Variants in FBXO4 observed in about 807,000 individuals in gnomAD.
FBXO4 encodes the protein F-box protein 4, also known as F-box only protein 4.
Under a neutral mutation model 43.7 loss-of-function variants are expected in FBXO4, and 36 were observed. The ratio of observed to expected loss-of-function variants is 0.82; its 90% CI spans 0.63 to 1.09. The LOEUF (loss-of-function observed/expected upper bound fraction) is 1.09, where lower values mean the gene tolerates loss of function less well. Among genes scored for constraint, FBXO4 ranks in the 50% least tolerant of loss-of-function variants. The probability of loss-of-function intolerance (pLI) is 0.00; values close to 1 mark genes in which losing one functional copy is unlikely to be tolerated. For synonymous variants in FBXO4, 180 were observed against 165.6 expected (o/e 1.09, Z -0.67); for missense variants, 435 against 474.1 (o/e 0.92, Z 0.77).
At chr5:41,926,973 T>G (rs768879977) in intron 1 of FBXO4, 40 bp from the exon 2 acceptor site, 33 of 1,332,858 alleles carry the variant, frequency 2.5e-5, no homozygotes, top group Non-Finnish European at 3.2e-5. Context: ...AACTATTTTC[T>G]TCATTCCTTT....
chr5:41,951,414 C>G, the FBXO4 span: 1 of 234,580 alleles, frequency 4.3e-6, no homozygotes, highest in African/African-American at 2.3e-5. Context: ...TAGGTAACTG[C>G]TGAATAGGCA....
chr5:42,037,657 T>C, the FBXO4 span, among the ~76,000 whole-genome samples: 3 of 152,148 alleles, frequency 2.0e-5, no homozygotes, highest in Middle Eastern at 3.4e-3. Flanking sequence ...AGTTTTCCCT[T>C]TGAGACATTC....
the FBXO4 span, among the ~76,000 whole-genome samples, chr5:42,010,348 GAA>G: frequency 6.7e-6 from 1 of 150,354 alleles, no homozygotes; most frequent in East Asian, 1.9e-4. Context: ...AGCTACAAAA[GAA>G]AAAAAAACTT....
chr5:41,926,355 C>T (rs765319756), intron 1 of FBXO4, among the ~76,000 whole-genome samples: 14 of 152,144 alleles, frequency 9.2e-5, no homozygotes, highest in Non-Finnish European at 2.1e-4. Context: ...GGGCGGATCA[C>T]GAGGTCAGGA....
chr5:41,931,334 G>T (rs533021781), intron 3 of FBXO4, among the ~76,000 whole-genome samples: 2 of 152,342 alleles, frequency 1.3e-5, no homozygotes, highest in South Asian at 4.1e-4. Flanking sequence ...AATAAGGATG[G>T]CTCCAGGTTT....
chr5:42,013,291 T>A, the FBXO4 span, among the ~76,000 whole-genome samples: 36 of 152,094 alleles, frequency 2.4e-4, 1 homozygote, highest in South Asian at 7.3e-3. Flanking sequence ...AAAAGAAAGA[T>A]TGTTAGGAAA....
the FBXO4 span, among the ~76,000 whole-genome samples, chr5:41,982,319 C>T: frequency 3.9e-5 from 6 of 152,086 alleles, no homozygotes; most frequent in Non-Finnish European, 7.4e-5. Flanking sequence ...CCTGAGGAAT[C>T]GCCACACTGT....
the FBXO4 span, among the ~76,000 whole-genome samples, chr5:41,976,355 A>G: frequency 1.2e-4 from 19 of 152,198 alleles, no homozygotes; most frequent in Non-Finnish European, 1.3e-4. Flanking sequence ...CCAAAGTTTC[A>G]TCTGAGACTC....
the FBXO4 span, among the ~76,000 whole-genome samples, chr5:42,025,835 G>A: frequency 1.3e-4 from 19 of 151,696 alleles, no homozygotes; most frequent in Non-Finnish European, 1.5e-4. Context: ...CATCTGGGTT[G>A]AAAGTGAGTT....
At chr5:41,987,334 A>G in the FBXO4 span, among the ~76,000 whole-genome samples, 1 of 152,138 alleles carries the variant, frequency 6.6e-6, no homozygotes, top group Non-Finnish European at 1.5e-5. Context: ...TTTAACCACC[A>G]ATGTTGAACT....
chr5:42,020,528 AT>A, the FBXO4 span, among the ~76,000 whole-genome samples: 1 of 152,154 alleles, frequency 6.6e-6, no homozygotes, highest in Non-Finnish European at 1.5e-5. Context: ...GGTTTAAACA[AT>A]TTTTATTTGT....
the FBXO4 span, among the ~76,000 whole-genome samples, chr5:41,969,189 T>C: frequency 6.6e-6 from 1 of 152,198 alleles, no homozygotes; most frequent in East Asian, 1.9e-4. Flanking sequence ...CCTATCTCCT[T>C]TATTAATACC....
rs1326937632 is a variant in FBXO4 at position 41,929,832 on chromosome 5, A to G, written c.561A>G (p.Glu187=). The G allele has an allele frequency of 1.1e-5, 18 of 1,614,086 alleles. No individual in the cohort carries two copies. The highest frequency in any genetic ancestry group is 1.5e-5 in the Non-Finnish European group (18 of 1,180,048). ...PRFAMFGPGL[E]ELNTSLVLSL... The stretch of plus-strand genomic sequence containing the variant: ...TTGCTATGTTTGGACCAGGTTTGGA[A>G]GAATTGAATACCTCTTTGGTGTTGA... The change falls in exon 3 of 7, where the codon GAA becomes GAG. Residue 187 remains glutamate, a synonymous_variant. Transcript: ENST00000281623.
At chr5:41,978,002 G>C in the FBXO4 span, among the ~76,000 whole-genome samples, 1 of 152,066 alleles carries the variant, frequency 6.6e-6, no homozygotes, top group African/African-American at 2.4e-5. Context: ...AAGAAAACAG[G>C]CTTAATTAGC....
the FBXO4 span, among the ~76,000 whole-genome samples, chr5:41,959,275 A>G: frequency 7.2e-5 from 11 of 152,100 alleles, no homozygotes; most frequent in Non-Finnish European, 1.5e-4. Context: ...TGAGTTTCTT[A>G]TATCTTTTGG....
At chr5:42,023,976 A>G in the FBXO4 span, among the ~76,000 whole-genome samples, 1 of 152,006 alleles carries the variant, frequency 6.6e-6, no homozygotes, top group Non-Finnish European at 1.5e-5. Context: ...TTGGCTGTAT[A>G]TATACATGCA....
At chr5:41,941,937 A>G (rs1003393934), downstream of FBXO4, among the ~76,000 whole-genome samples, 2 of 152,126 alleles carry the variant, frequency 1.3e-5, no homozygotes, top group African/African-American at 4.8e-5. Context: ...TCAGAGTGAA[A>G]ACTTCCCAGA....
At chr5:41,952,265 C>T in the FBXO4 span, 1 of 152,136 alleles carries the variant, frequency 6.6e-6, no homozygotes, top group African/African-American at 2.4e-5. Flanking sequence ...CAGTGCAAAG[C>T]TGTGGGAAGG....
chr5:41,993,674 C>A, the FBXO4 span, among the ~76,000 whole-genome samples: 1 of 144,966 alleles, frequency 6.9e-6, no homozygotes, highest in Non-Finnish European at 1.5e-5. Context: ...TATAAAGGGA[C>A]GTTTATTAAG....
Sources: allele counts gnomAD v4.1 joint callset (sites outside exome capture counted in the v4.1 genomes callset), GRCh38; gene constraint gnomAD v4.1.1; transcripts MANE v1.5; gene names NCBI Gene and HGNC (gene_info 2026-07-23, HGNC 2026-07-21).